Variants in KCND2 observed in about 807,000 individuals in gnomAD.
The protein encoded by KCND2 is A-type voltage-gated potassium channel KCND2.
A neutral mutation model predicts 54.4 loss-of-function variants in KCND2; 16 were observed. That is an observed-to-expected ratio of 0.29 (90% confidence interval 0.20 to 0.45). KCND2 has a LOEUF of 0.45. KCND2 is among the 20% of genes least tolerant of loss of function. KCND2 has a pLI of 1.00. For synonymous variants in KCND2, 317 were observed against 310.7 expected (o/e 1.02, Z -0.21); for missense variants, 486 against 824.2 (o/e 0.59, Z 5.02).
chr7:120,548,406 A>C, intron 1 of KCND2, among the ~76,000 whole-genome samples: 1 of 152,082 alleles, frequency 6.6e-6, no homozygotes, highest in Non-Finnish European at 1.5e-5. Flanking sequence ...GTTCTTCTTT[A>C]GTTTAAATGG....
chr7:120,546,709 T>G (rs1009011196), intron 1 of KCND2, among the ~76,000 whole-genome samples: 6 of 152,128 alleles, frequency 3.9e-5, no homozygotes, highest in East Asian at 1.9e-4. Flanking sequence ...GAGAGTTGGG[T>G]TGGCAAATTC....
At position 120,273,913 on chromosome 7, in the gene KCND2, C is replaced by CT. The variant is rs1186384102; in HGVS notation, c.-716dup. 17 of 153,010 alleles carry CT rather than the reference C, an allele frequency of 1.1e-4. No homozygotes were observed. Among genetic ancestry groups the CT allele is most frequent in the Non-Finnish European group, 1.5e-5 (1 of 68,380 alleles). 9.5% of individuals were successfully genotyped at this position (153,010 alleles called of 1,614,324 possible). On this transcript the variant is annotated 5_prime_UTR_variant, in exon 1 of 6. Transcript: ENST00000331113. ...GAGTGAAGGGGCGATTGGGCGAACG[C>CT]TTTTGGCAGACACAGAGGGTGTTTG...
At chr7:120,542,758 C>T (rs1791994434) in intron 1 of KCND2, among the ~76,000 whole-genome samples, 1 of 152,164 alleles carries the variant, frequency 6.6e-6, no homozygotes, top group African/African-American at 2.4e-5. Context: ...AACCTGAGCA[C>T]ATGGCTTGGA....
At chr7:120,467,850 C>T (rs1287382322) in intron 1 of KCND2, among the ~76,000 whole-genome samples, 1 of 151,942 alleles carries the variant, frequency 6.6e-6, no homozygotes, top group Admixed American at 6.6e-5. Context: ...AGCAAGAAAC[C>T]ATTAGACAAT....
intron 1 of KCND2, among the ~76,000 whole-genome samples, chr7:120,615,133 C>T (rs1278906783): frequency 1.3e-5 from 2 of 152,282 alleles, no homozygotes; most frequent in South Asian, 2.1e-4. Context: ...TATGAGGGCT[C>T]GGAACCTTGA....
At chr7:120,304,087 G>C (rs1037146558) in intron 1 of KCND2, among the ~76,000 whole-genome samples, 14 of 152,106 alleles carry the variant, frequency 9.2e-5, no homozygotes, top group Non-Finnish European at 1.5e-4. Flanking sequence ...GAACGAGAAT[G>C]CCTGTTAGTA....
At chr7:120,394,008 G>A (rs62471550) in intron 1 of KCND2, among the ~76,000 whole-genome samples, 15,529 of 151,996 alleles carry the variant, frequency 0.1, 838 homozygotes, top group Admixed American at 0.13. Flanking sequence ...ATGGTTTTAA[G>A]TATGTATGTA....
At chr7:120,716,354 A>G (rs970891010) in intron 1 of KCND2, among the ~76,000 whole-genome samples, 2 of 152,080 alleles carry the variant, frequency 1.3e-5, no homozygotes, top group Non-Finnish European at 2.9e-5. Context: ...ACTTTCCTAC[A>G]TTAATCTGTT....
Position 120,397,748 on chromosome 7 carries a change from C to T in KCND2, c.1115+122001C>T, listed in dbSNP as rs575443088. The stretch of plus-strand genomic sequence containing the variant: ...AACAATATATAATTAACATTGTTCC[C>T]CATATGATTAAATATTTTTCTATAT... On this transcript the variant is annotated intron_variant, in intron 1 of 5. Coordinates refer to ENST00000331113, the MANE Select transcript of KCND2 (RefSeq NM_012281.3). 3.3e-5 allele frequency among the ~76,000 whole-genome samples: 5 copies of T among 151,386 alleles called. No homozygotes were observed. In the South Asian group the frequency reaches 1.0e-3, roughly 32 times the overall value.
At position 120,494,855 on chromosome 7, in the gene KCND2, A is replaced by G. The variant is rs116847470; in HGVS notation, c.1115+219108A>G. Among the ~76,000 whole-genome samples the G allele has an allele frequency of 7.8e-3, 1,181 of 152,308 alleles. 10 individuals carry two copies. Among genetic ancestry groups the G allele is most frequent in the Non-Finnish European group, 0.013 (891 of 67,996 alleles). On this transcript the variant is annotated intron_variant, in intron 1 of 5. Coordinates refer to ENST00000331113, the MANE Select transcript of KCND2 (RefSeq NM_012281.3). Reference sequence around the variant, plus strand: ...ATAGTCAAAATATATGTAAATCAGTATATCAAATAGGACCTAATGGAATCA... The same window carrying G: ...ATAGTCAAAATATATGTAAATCAGTGTATCAAATAGGACCTAATGGAATCA...
chr7:120,523,142 C>A (rs1352219302), intron 1 of KCND2, among the ~76,000 whole-genome samples: 1 of 152,132 alleles, frequency 6.6e-6, no homozygotes, highest in Non-Finnish European at 1.5e-5. Flanking sequence ...CATCCCATTT[C>A]AGAGTGGTAA....
chr7:120,747,130 T>C (rs901027576), intron 5 of KCND2, among the ~76,000 whole-genome samples: 7 of 152,072 alleles, frequency 4.6e-5, no homozygotes, highest in South Asian at 2.1e-4. Flanking sequence ...CTTCCCCACA[T>C]AGAGTATACA....
At chr7:120,547,808 T>C (rs1252513520) in intron 1 of KCND2, among the ~76,000 whole-genome samples, 1 of 152,046 alleles carries the variant, frequency 6.6e-6, no homozygotes, top group Admixed American at 6.6e-5. Flanking sequence ...TGTGCATTAA[T>C]ATTGACTTGA....
At chr7:120,446,083 A>G (rs1267914939) in intron 1 of KCND2, among the ~76,000 whole-genome samples, 3 of 152,140 alleles carry the variant, frequency 2.0e-5, no homozygotes, top group African/African-American at 4.8e-5. Context: ...CACTCCATCT[A>G]GCCAGTGCAC....
intron 1 of KCND2, among the ~76,000 whole-genome samples, chr7:120,622,358 G>A (rs1793109559): frequency 6.6e-6 from 1 of 152,100 alleles, no homozygotes; most frequent in South Asian, 2.1e-4. Flanking sequence ...ACGAGAGGGA[G>A]CCTACTGCTG....
At chr7:120,742,175 T>C in intron 3 of KCND2, 1 of 311,350 alleles carries the variant, frequency 3.2e-6, no homozygotes, top group Admixed American at 4.7e-5. Context: ...GTGCACATGA[T>C]CGTGGTTTCA....
At chr7:120,675,360 G>GA (rs1052181199) in intron 1 of KCND2, among the ~76,000 whole-genome samples, 2 of 151,894 alleles carry the variant, frequency 1.3e-5, no homozygotes, top group Admixed American at 1.3e-4. Flanking sequence ...GAGTAGCTGG[G>GA]ATTACAGGTA....
chr7:120,380,113 G>A (rs898197803), intron 1 of KCND2, among the ~76,000 whole-genome samples: 4 of 151,914 alleles, frequency 2.6e-5, no homozygotes, highest in Admixed American at 1.3e-4. Context: ...AGCAAGTATC[G>A]TAAATCTAGT....
chr7:120,657,441 T>G (rs1389230439), intron 1 of KCND2, among the ~76,000 whole-genome samples: 2 of 152,104 alleles, frequency 1.3e-5, no homozygotes, highest in Non-Finnish European at 2.9e-5. Flanking sequence ...TCTTGCTAGG[T>G]AGAAGAGTTT....
Sources: gnomAD v4.1 joint callset for allele counts (sites outside exome capture counted in the v4.1 genomes callset) on GRCh38, gnomAD v4.1.1 for gene constraint, MANE v1.5 for transcripts, NCBI Gene and HGNC (gene_info 2026-07-23, HGNC 2026-07-21) for gene names.